Variants in RAB28 observed in about 807,000 individuals in gnomAD.
RAB28 encodes RAB28, member RAS oncogene family.
A neutral mutation model predicts 31.7 loss-of-function variants in RAB28; 24 were observed. The observed-to-expected ratio is 0.76, with a 90% CI of 0.55 to 1.06. The LOEUF (loss-of-function observed/expected upper bound fraction) is 1.06. RAB28 is among the 50% of genes least tolerant of loss of function. The pLI, the probability that RAB28 is intolerant of heterozygous loss-of-function variation, is 0.00. For synonymous variants in RAB28, 100 were observed against 90.4 expected, an observed-to-expected ratio of 1.11 and a Z score of -0.60; for missense variants, 254 against 258.5, an observed-to-expected ratio of 0.98 and a Z score of 0.12.
chr4:13,476,562 A>G (rs1315044574), intron 2 of RAB28, among the ~76,000 whole-genome samples: 1 of 151,578 alleles, frequency 6.6e-6, no homozygotes, highest in Non-Finnish European at 1.5e-5. Context: ...ATTAACACAT[A>G]AAACTAAAAA....
At chr4:13,373,447 T>C (rs1459150909) in intron 6 of RAB28, among the ~76,000 whole-genome samples, 9 of 152,194 alleles carry the variant, frequency 5.9e-5, no homozygotes, top group African/African-American at 1.7e-4. Context: ...ATAGTGTTCA[T>C]TGTTTAAATG....
intron 4 of RAB28, among the ~76,000 whole-genome samples, chr4:13,452,883 ACTATT>A (rs1715047946): frequency 6.6e-6 from 1 of 152,136 alleles, no homozygotes; most frequent in African/African-American, 2.4e-5. Flanking sequence ...GAAGTCAACA[ACTATT>A]ACTGTATTAG....
intron 4 of RAB28, among the ~76,000 whole-genome samples, chr4:13,452,021 A>G (rs544625788): frequency 1.3e-5 from 2 of 151,982 alleles, no homozygotes; most frequent in Admixed American, 1.3e-4. Context: ...TTTAGCAGTC[A>G]GATCTTCAGC....
intron 4 of RAB28, among the ~76,000 whole-genome samples, chr4:13,435,017 C>CAAA (rs991889676): frequency 0.031 from 1,431 of 46,912 alleles, 48 homozygotes; most frequent in African/African-American, 0.1. Context: ...GACTCCGTCT[C>CAAA]AAAAAAAAAA....
At chr4:13,451,937 G>A (rs774397037) in intron 4 of RAB28, among the ~76,000 whole-genome samples, 7 of 151,810 alleles carry the variant, frequency 4.6e-5, no homozygotes, top group Non-Finnish European at 5.9e-5. Flanking sequence ...ATTCCATTTC[G>A]TTGGTCTATG....
chr4:13,406,364 G>A (rs1275609980), intron 4 of RAB28, among the ~76,000 whole-genome samples: 1 of 152,026 alleles, frequency 6.6e-6, no homozygotes, highest in East Asian at 1.9e-4. Context: ...GTATTCCATG[G>A]TGTATATATA....
chr4:13,420,553 T>G (rs1384638836), intron 4 of RAB28, among the ~76,000 whole-genome samples: 3 of 152,094 alleles, frequency 2.0e-5, no homozygotes, highest in African/African-American at 7.2e-5. Flanking sequence ...AAAAAGCTTA[T>G]CCACCAAGAT....
chr4:13,382,843 C>T (rs896436988), intron 4 of RAB28, among the ~76,000 whole-genome samples: 14 of 151,630 alleles, frequency 9.2e-5, no homozygotes, highest in Admixed American at 1.3e-4. Flanking sequence ...GGATTACAGG[C>T]GCCTGCCACC....
At chr4:13,403,909 G>T (rs560460526) in intron 4 of RAB28, among the ~76,000 whole-genome samples, 1 of 152,190 alleles carries the variant, frequency 6.6e-6, no homozygotes, top group South Asian at 2.1e-4. Flanking sequence ...TTTTAGAAAA[G>T]TTTTTAAATT....
chr4:13,406,894 T>TTAG (rs1712125677), intron 4 of RAB28, among the ~76,000 whole-genome samples: 1 of 152,238 alleles, frequency 6.6e-6, no homozygotes, highest in African/African-American at 2.4e-5. Flanking sequence ...ATTCTGGATA[T>TTAG]TAGCCCTTTG....
At chr4:13,467,342 A>G (rs1408992310) in intron 3 of RAB28, among the ~76,000 whole-genome samples, 3 of 151,942 alleles carry the variant, frequency 2.0e-5, no homozygotes, top group Admixed American at 6.6e-5. Context: ...TTTAAATAAA[A>G]TCATACAGGA....
At chr4:13,408,779 A>T (rs1386004372) in intron 4 of RAB28, among the ~76,000 whole-genome samples, 1 of 152,156 alleles carries the variant, frequency 6.6e-6, no homozygotes, top group Non-Finnish European at 1.5e-5. Flanking sequence ...TATACTGATC[A>T]TTCTCTACTT....
intron 4 of RAB28, among the ~76,000 whole-genome samples, chr4:13,415,105 TCA>T (rs1344523447): frequency 2.6e-5 from 4 of 152,354 alleles, no homozygotes; most frequent in Admixed American, 1.3e-4. Context: ...GGAAGAAGAA[TCA>T]TCATTAATTG....
intron 4 of RAB28, among the ~76,000 whole-genome samples, chr4:13,409,511 G>A (rs1430817365): frequency 1.3e-5 from 2 of 152,180 alleles, no homozygotes; most frequent in African/African-American, 4.8e-5. Flanking sequence ...TCACTGGAGA[G>A]CTGCACAAGC....
At chr4:13,419,348 G>A (rs992881108) in intron 4 of RAB28, among the ~76,000 whole-genome samples, 2 of 152,176 alleles carry the variant, frequency 1.3e-5, no homozygotes, top group African/African-American at 2.4e-5. Flanking sequence ...CAACGAGACA[G>A]AAGGTTAACA....
chr4:13,421,117 A>C (rs1422061215), intron 4 of RAB28, among the ~76,000 whole-genome samples: 1 of 152,226 alleles, frequency 6.6e-6, no homozygotes, highest in African/African-American at 2.4e-5. Context: ...AATAACAGAC[A>C]AACAGAGAGC....
rs111438857 is a variant in RAB28 at position 13,381,851 on chromosome 4, TAA to T, written c.392-259_392-258del. On this transcript the variant is annotated intron_variant, in intron 4 of 6. Coordinates refer to ENST00000330852, the MANE Select transcript of RAB28 (RefSeq NM_001017979.3). ...TGCACAAAGACCAGCACAGAAGTGC[TAA>T]AAAAAAAATGTGCGCTATCATTATT... is the stretch of plus-strand genomic sequence containing the variant. 4.7e-3 allele frequency among the ~76,000 whole-genome samples: 698 copies of T among 148,978 alleles called. 6 individuals carry two copies. Among genetic ancestry groups the T allele is most frequent in the African/African-American group, 0.016 (665 of 40,932 alleles).
chr4:13,416,717 A>G (rs747554457), intron 4 of RAB28, among the ~76,000 whole-genome samples: 6 of 152,258 alleles, frequency 3.9e-5, no homozygotes, highest in Non-Finnish European at 8.8e-5. Flanking sequence ...TTTAGATTAT[A>G]TAAGTATATG....
chr4:13,406,574 C>G (rs1401444454), intron 4 of RAB28, among the ~76,000 whole-genome samples: 2 of 152,152 alleles, frequency 1.3e-5, no homozygotes, highest in African/African-American at 4.8e-5. Context: ...GAGGAATCGC[C>G]ACACTGTCTT....
Sources: allele counts gnomAD v4.1 joint callset (sites outside exome capture counted in the v4.1 genomes callset), GRCh38; gene constraint gnomAD v4.1.1; transcripts MANE v1.5; gene names NCBI Gene and HGNC (gene_info 2026-07-23, HGNC 2026-07-21).